Variants in DSC1 observed in about 807,000 individuals in gnomAD.
DSC1 encodes the protein desmocollin-1.
DSC1 carries 79 observed loss-of-function variants against 98.8 expected under a neutral mutation model. The observed-to-expected ratio is 0.80, with a 90% CI of 0.67 to 0.96. The LOEUF (loss-of-function observed/expected upper bound fraction) is 0.96, where lower values mean the gene tolerates loss of function less well. Ranked by LOEUF, DSC1 falls within the 50% of genes least tolerant of loss-of-function variation. The pLI, the probability that DSC1 is intolerant of heterozygous loss-of-function variation, is 0.00. For synonymous variants in DSC1, 405 were observed against 372.1 expected, an observed-to-expected ratio of 1.09 and a Z score of -1.02; for missense variants, 1,115 against 1,075.9, an observed-to-expected ratio of 1.04 and a Z score of -0.51.
chr18:31,156,200 T>G, intron 3 of DSC1, 38 bp from the exon 4 acceptor site: 1 of 1,591,412 alleles, frequency 6.3e-7, no homozygotes, highest in Non-Finnish European at 8.5e-7. Flanking sequence ...TAGCATTGCT[T>G]ATCATTTTTT....
chr18:31,162,373 C>T (rs771641873), intron 1 of DSC1, among the ~76,000 whole-genome samples, 159 bp downstream of exon 1: 3 of 152,214 alleles, frequency 2.0e-5, no homozygotes, highest in Non-Finnish European at 2.9e-5. Context: ...TCCCAAGCCT[C>T]TCAACTCTTC....
At chr18:31,146,666 G>T (rs181437812) in intron 6 of DSC1, among the ~76,000 whole-genome samples, 1 of 152,256 alleles carries the variant, frequency 6.6e-6, no homozygotes, top group East Asian at 1.9e-4. Context: ...TCTCCAAACT[G>T]CTTTCCACAG....
intron 11 of DSC1, among the ~76,000 whole-genome samples, chr18:31,138,548 G>A (rs2144924001): frequency 6.6e-6 from 1 of 151,618 alleles, no homozygotes; most frequent in Admixed American, 6.6e-5. Context: ...TAAACATAAA[G>A]TCTTCTTTGC....
chr18:31,132,551 TG>T lies in DSC1; in HGVS notation c.2238+16del. 1 of 1,612,338 alleles carries T rather than the reference TG, an allele frequency of 6.2e-7. No individual in the cohort carries two copies. The highest frequency in any genetic ancestry group is 8.5e-7 in the Non-Finnish European group (1 of 1,179,024). ...TTGTTCACCGTACAATTCAAAGGGA[TG>T]TGAAATCTGATTTACCGTTACTTCT... On this transcript the variant is annotated intron_variant, in intron 14 of 15. Transcript: ENST00000257198.
intron 1 of DSC1, among the ~76,000 whole-genome samples, chr18:31,162,163 T>C (rs183602986): frequency 2.1e-4 from 32 of 152,332 alleles, no homozygotes; most frequent in African/African-American, 7.0e-4. Flanking sequence ...GAACTCAGCA[T>C]GTTAAATAAC....
At chr18:31,157,601 T>C (rs369879217) in intron 2 of DSC1, 28 bp from the exon 3 acceptor site, 1 of 1,613,236 alleles carries the variant, frequency 6.2e-7, no homozygotes, top group Non-Finnish European at 8.5e-7. Flanking sequence ...CACAGCAGTT[T>C]GTCAGATGAA....
intron 2 of DSC1, among the ~76,000 whole-genome samples, chr18:31,158,719 G>C (rs1414711277): frequency 6.6e-6 from 1 of 152,036 alleles, no homozygotes; most frequent in Non-Finnish European, 1.5e-5. Context: ...GTGGATACTT[G>C]TTCATTGTAA....
chr18:31,155,834 C>T (rs1598629809), intron 4 of DSC1, among the ~76,000 whole-genome samples: 1 of 152,122 alleles, frequency 6.6e-6, no homozygotes, highest in Non-Finnish European at 1.5e-5. Flanking sequence ...AAATATAAAA[C>T]TTGTTTCTAA....
intron 1 of DSC1, 39 bp from the exon 2 acceptor site, chr18:31,159,568 T>C: frequency 3.2e-6 from 5 of 1,538,504 alleles, no homozygotes; most frequent in South Asian, 1.2e-5. Flanking sequence ...GGAATTAAAT[T>C]TGATCACAAA....
At chr18:31,149,403 A>G (rs996063473) in intron 5 of DSC1, among the ~76,000 whole-genome samples, 31 of 152,370 alleles carry the variant, frequency 2.0e-4, no homozygotes, top group African/African-American at 6.7e-4. Flanking sequence ...TAAGTGAACT[A>G]GGATTAAAAT....
chr18:31,139,670 A>T, intron 11 of DSC1, 78 bp downstream of exon 11: 1 of 1,361,248 alleles, frequency 7.3e-7, no homozygotes, highest in Non-Finnish European at 9.9e-7. Context: ...TTTGTCTAGA[A>T]ATAAACAGAT....
chr18:31,155,861 T>A (rs1003276864), intron 4 of DSC1, among the ~76,000 whole-genome samples, 182 bp downstream of exon 4: 1 of 152,142 alleles, frequency 6.6e-6, no homozygotes, highest in South Asian at 2.1e-4. Context: ...AAATATGATA[T>A]CTGTAAGAAA....
chr18:31,148,281 G>A (rs929102728), intron 6 of DSC1, among the ~76,000 whole-genome samples: 5 of 152,062 alleles, frequency 3.3e-5, no homozygotes, highest in Non-Finnish European at 7.4e-5. Context: ...TTTATCATAT[G>A]AATATGCTTA....
chr18:31,131,866 A>C, intron 14 of DSC1, 24 bp from the exon 15 acceptor site: 2 of 1,608,858 alleles, frequency 1.2e-6, no homozygotes, highest in Non-Finnish European at 1.7e-6. Context: ...GAGAGTGATA[A>C]AGTGAATTTG....
At chr18:31,151,735 A>G (rs1357891282) in intron 5 of DSC1, among the ~76,000 whole-genome samples, 1 of 152,204 alleles carries the variant, frequency 6.6e-6, no homozygotes, top group Admixed American at 6.5e-5. Flanking sequence ...TTGGCCTTAC[A>G]GTGGCAGGCA....
chr18:31,150,213 CCATCACCACCACTACCACCAT>C (rs1988940839), intron 5 of DSC1, among the ~76,000 whole-genome samples: 3 of 145,822 alleles, frequency 2.1e-5, no homozygotes, highest in Admixed American at 6.8e-5. Flanking sequence ...ACCACCACCA[CCATCACCACCACTACCACCAT>C]CATCACCACC....
At chr18:31,140,348 T>TTG in intron 9 of DSC1, 47 bp from the exon 10 acceptor site, 2 of 1,517,116 alleles carry the variant, frequency 1.3e-6, no homozygotes, top group Non-Finnish European at 1.8e-6. Flanking sequence ...ACATTATATA[T>TTG]AAGACTTCTA....
chr18:31,149,444 T>C (rs1261387147), intron 5 of DSC1, among the ~76,000 whole-genome samples: 1 of 152,200 alleles, frequency 6.6e-6, no homozygotes, highest in Non-Finnish European at 1.5e-5. Flanking sequence ...CTCTCTCTCA[T>C]AAGCCTTAGT....
At chr18:31,152,262 G>T (rs1175812453) in intron 5 of DSC1, among the ~76,000 whole-genome samples, 1 of 152,058 alleles carries the variant, frequency 6.6e-6, no homozygotes, top group Non-Finnish European at 1.5e-5. Context: ...TTTTCCAAAG[G>T]TACAGATTAT....
Sources: allele counts gnomAD v4.1 joint callset (sites outside exome capture counted in the v4.1 genomes callset), GRCh38; gene constraint gnomAD v4.1.1; transcripts MANE v1.5; gene names NCBI Gene and HGNC (gene_info 2026-07-23, HGNC 2026-07-21).